The following CCNT2 variants were observed in gnomAD, a reference collection of about 807,000 sequenced individuals.
The protein encoded by CCNT2 is cyclin T2.
In CCNT2, 18 loss-of-function variants were observed where a neutral mutation model predicts 70.0. That is an observed-to-expected ratio of 0.26 (90% CI 0.18 to 0.38). CCNT2 has a LOEUF of 0.38. CCNT2 is among the 10% of genes least tolerant of loss of function. The pLI, the probability that CCNT2 is intolerant of heterozygous loss-of-function variation, is 1.00. For synonymous variants in CCNT2, 334 were observed against 313.3 expected, an observed-to-expected ratio of 1.07 and a Z score of -0.70; for missense variants, 734 against 890.2, an observed-to-expected ratio of 0.82 and a Z score of 2.23.
rs369384409 is a variant in CCNT2 at position 134,953,742 on chromosome 2, A to G, written c.1287A>G (p.Ile429Met). The G allele has an allele frequency of 9.3e-6, 15 of 1,614,000 alleles. No individual in the cohort carries two copies. The African/African-American group carries it at 1.9e-4, about 20-fold the overall frequency. Residue 429 changes from isoleucine (I) to methionine (M), a missense_variant, in exon 9 of 9, where the codon ATA becomes ATG. Ile to Met is a conservative substitution (Grantham distance 10). Around this residue, in one of 3 missense-constraint regions of CCNT2, gnomAD observed 532 missense variants for 556.9 expected, o/e 0.96. Transcript: ENST00000264157. Reference protein sequence around the residue: ...HHGPISTTPGIIPQKMSLDKY... With the variant: ...HHGPISTTPGMIPQKMSLDKY... ...GGCCAATTTCCACTACTCCAGGAAT[A>G]ATTCCTCAGAAAATGTCTTTAGATA...
intron 2 of CCNT2, among the ~76,000 whole-genome samples, chr2:134,933,707 G>A (rs2105041145): frequency 6.6e-6 from 1 of 152,138 alleles, no homozygotes; most frequent in East Asian, 1.9e-4. Flanking sequence ...CAAGAGAGAA[G>A]GGAATTTAAA....
In CCNT2 at chr2:134,953,823, T is replaced by C; in HGVS notation, c.1368T>C (p.Tyr456=). The change falls in exon 9 of 9, where the codon TAT becomes TAC. Residue 456 remains tyrosine, a synonymous_variant. Transcript: ENST00000264157. ...TTGATCTCGATGTAAGGGATCATTA[T>C]ATAGCTGCCCAGGTAGAACAGCAGC... is the stretch of plus-strand genomic sequence containing the variant. The part of the protein sequence containing the change: ...ETLDLDVRDH[Y]IAAQVEQQHK... The C allele has an allele frequency of 6.2e-7, 1 of 1,614,090 alleles. No homozygotes were observed. Among genetic ancestry groups the C allele is most frequent in the Non-Finnish European group, 8.5e-7 (1 of 1,179,954 alleles).
At position 134,953,806 on chromosome 2, in the gene CCNT2, G is replaced by C. The variant is rs761111821; in HGVS notation, c.1351G>C (p.Asp451His). Residue 451 changes from aspartate (D) to histidine (H), a missense_variant, in exon 9 of 9, where the codon GAT (aspartate) becomes CAT (histidine). Physicochemically the swap from Asp to His is moderately conservative, Grantham distance 81. Coordinates refer to ENST00000264157, the MANE Select transcript of CCNT2 (RefSeq NM_058241.3). Reference protein sequence around the residue: ...EKRKLETLDLDVRDHYIAAQV... With the variant: ...EKRKLETLDLHVRDHYIAAQV... Reference sequence around the variant, plus strand: ...GCGTAAACTAGAAACTCTTGATCTCGATGTAAGGGATCATTATATAGCTGC... The same window carrying C: ...GCGTAAACTAGAAACTCTTGATCTCCATGTAAGGGATCATTATATAGCTGC... 3 of 1,613,484 alleles carry C rather than the reference G, an allele frequency of 1.9e-6. No individual in the cohort carries two copies. Among genetic ancestry groups the C allele is most frequent in the Non-Finnish European group, 2.5e-6 (3 of 1,179,482 alleles).
intron 5 of CCNT2, chr2:134,943,902 C>G: frequency 1.0e-6 from 1 of 968,348 alleles, no homozygotes; most frequent in Non-Finnish European, 1.2e-6. Context: ...AAAATGAGTA[C>G]GACTTTTGAA....
chr2:134,924,978 A>G (rs1330206965), intron 2 of CCNT2, among the ~76,000 whole-genome samples: 2 of 152,140 alleles, frequency 1.3e-5, no homozygotes, highest in Non-Finnish European at 2.9e-5. Context: ...TTGTATACTC[A>G]TGGTGCAGTT....
chr2:134,956,244 A>C lies in CCNT2; in HGVS notation c.*1596A>C, dbSNP rs1682916541. ...TTGCAGTTGTAAATATTAGAGTTTA[A>C]TCTCATGCTCTACCTTTATTTAGCA... is the stretch of plus-strand genomic sequence containing the variant. On this transcript the variant is annotated 3_prime_UTR_variant, in exon 9 of 9. Coordinates refer to ENST00000264157, the MANE Select transcript of CCNT2 (RefSeq NM_058241.3). The C allele has an allele frequency of 1.3e-5, 2 of 152,664 alleles. No homozygotes were observed. The highest frequency in any genetic ancestry group is 4.8e-5 in the African/African-American group (2 of 41,466). The allele number at this position is 152,664 out of a possible 1,614,324, so 9.5% of individuals were successfully genotyped here. A position where few individuals can be genotyped will look rare whatever the true frequency, so the allele number is the denominator to read the frequency against.
chr2:134,953,103 AC>A (rs1682649495), intron 8 of CCNT2, 126 bp from the exon 9 acceptor site: 1 of 639,310 alleles, frequency 1.6e-6, no homozygotes, highest in African/African-American at 1.8e-5. Context: ...AAAATCTTGA[AC>A]CCCAGGTCAT....
At chr2:134,936,385 C>G (rs890090958) in intron 2 of CCNT2, among the ~76,000 whole-genome samples, 1 of 152,008 alleles carries the variant, frequency 6.6e-6, no homozygotes, top group Non-Finnish European at 1.5e-5. Context: ...TTACATCAAT[C>G]TTGTCATAGC....
chr2:134,949,807 G>GGGT (rs1682317529), intron 7 of CCNT2, among the ~76,000 whole-genome samples: 1 of 137,578 alleles, frequency 7.3e-6, no homozygotes, highest in Middle Eastern at 3.9e-3. Context: ...TTTTTCGGGG[G>GGGT]GGGGGTGGGG....
intron 2 of CCNT2, among the ~76,000 whole-genome samples, chr2:134,929,047 T>C (rs1198743962): frequency 6.6e-6 from 1 of 152,230 alleles, no homozygotes; most frequent in African/African-American, 2.4e-5. Flanking sequence ...TTAAAATTAT[T>C]TTTGTTACCC....
chr2:134,936,122 A>G lies in CCNT2; in HGVS notation c.241-719A>G, dbSNP rs116398672. Among the ~76,000 whole-genome samples the G allele has an allele frequency of 2.3e-3, 344 of 149,082 alleles. 1 individual carries two copies. The highest frequency in any genetic ancestry group is 8.0e-3 in the African/African-American group (324 of 40,690). On this transcript the variant is annotated intron_variant, in intron 2 of 8. Coordinates refer to ENST00000264157, the MANE Select transcript of CCNT2 (RefSeq NM_058241.3). The stretch of plus-strand genomic sequence containing the variant: ...GTGACTCTGTGCCTAGAAAAGGAGT[A>G]TAGTGGGTATACTTGATCCGCTTTT...
intron 8 of CCNT2, 178 bp downstream of exon 8, chr2:134,952,889 A>G (rs984808816): frequency 1.5e-4 from 77 of 520,602 alleles, no homozygotes; most frequent in Non-Finnish European, 2.3e-4. Context: ...TTGCTAAAGT[A>G]CATTATACTT....
chr2:134,932,247 C>T (rs1049285089), intron 2 of CCNT2, among the ~76,000 whole-genome samples: 14 of 152,204 alleles, frequency 9.2e-5, no homozygotes, highest in Non-Finnish European at 1.5e-4. Context: ...GTGATCCGCC[C>T]GTCTTGGCAT....
At chr2:134,943,325 C>A in intron 5 of CCNT2, 3 of 550,154 alleles carry the variant, frequency 5.5e-6, no homozygotes, top group Non-Finnish European at 6.9e-6. Flanking sequence ...GGCTTGAGCC[C>A]AGTAGTTGGA....
rs1041091638 is a variant in CCNT2, at chr2:134,952,701, G to A, written c.764G>A (p.Arg255Gln). 7 of 1,605,206 alleles carry A rather than the reference G, an allele frequency of 4.4e-6. No homozygotes were observed. The highest frequency in any genetic ancestry group is 1.7e-4 in the Middle Eastern group (1 of 6,036). The part of the protein sequence containing the change: ...EKTPNRLKKI[R>Q]NWRANQAARK... ...ACGCCTAATAGGTTGAAGAAGATTC[G>A]AAACTGGAGGGTAAGAGAATTGACA... The change falls in exon 8 of 9, where the codon CGA (arginine) becomes CAA (glutamine). Residue 255 changes from arginine to glutamine, a missense_variant. Arg to Gln is a conservative substitution (Grantham distance 43). Coordinates refer to ENST00000264157, the MANE Select transcript of CCNT2 (RefSeq NM_058241.3).
At chr2:134,932,480 T>C (rs1245277682) in intron 2 of CCNT2, among the ~76,000 whole-genome samples, 1 of 152,226 alleles carries the variant, frequency 6.6e-6, no homozygotes, top group Non-Finnish European at 1.5e-5. Context: ...TGAATACTGA[T>C]ATTTTGGGGC....
chr2:134,953,026 C>T (rs1682640424), intron 8 of CCNT2: 2 of 498,590 alleles, frequency 4.0e-6, no homozygotes, highest in Non-Finnish European at 7.0e-6. Flanking sequence ...GTATCTGATT[C>T]TAAAATGGGT....
chr2:134,948,594 T>C (rs1454978996), intron 7 of CCNT2, among the ~76,000 whole-genome samples: 1 of 152,158 alleles, frequency 6.6e-6, no homozygotes, highest in Non-Finnish European at 1.5e-5. Flanking sequence ...ACGTGGAATT[T>C]TGGGGATGTT....
rs1162300265 is a variant in CCNT2, at chr2:134,958,358, T to G, written c.*3710T>G. 1.3e-5 allele frequency: 2 copies of G among 152,228 alleles called. No individual in the cohort carries two copies. Among genetic ancestry groups the G allele is most frequent in the Non-Finnish European group, 2.9e-5 (2 of 68,034 alleles). 9.4% of individuals were successfully genotyped at this position (152,228 alleles called of 1,614,324 possible). On this transcript the variant is annotated 3_prime_UTR_variant, in exon 9 of 9. Coordinates refer to ENST00000264157, the MANE Select transcript of CCNT2 (RefSeq NM_058241.3). Reference sequence around the variant, plus strand: ...ATGGATTCAGTATTTCTAACCTGATTACTGCCTCAGAGGCTGTCTTGAAGG... The same window carrying G: ...ATGGATTCAGTATTTCTAACCTGATGACTGCCTCAGAGGCTGTCTTGAAGG...
Sources: gnomAD v4.1 joint callset for allele counts (sites outside exome capture counted in the v4.1 genomes callset) on GRCh38, gnomAD v4.1.1 for gene constraint, gnomAD v4.1.1 regional missense constraint, MANE v1.5 for transcripts, NCBI Gene and HGNC (gene_info 2026-07-23, HGNC 2026-07-21) for gene names.